The following CCDC73 variants were observed in gnomAD, a reference collection of about 807,000 sequenced individuals.
CCDC73 encodes the protein coiled-coil domain-containing protein 73.
In CCDC73, 95 loss-of-function variants were observed where a neutral mutation model predicts 116.5. The ratio of observed to expected loss-of-function variants is 0.82; its 90% CI spans 0.69 to 0.97. The LOEUF (loss-of-function observed/expected upper bound fraction) is 0.97. Ranked by LOEUF, CCDC73 falls within the 50% of genes least tolerant of loss-of-function variation. The pLI, the probability that CCDC73 is intolerant of heterozygous loss-of-function variation, is 0.00. For missense variants in CCDC73, 1,066 were observed against 1,206.8 expected, an observed-to-expected ratio of 0.88 and a Z score of 1.73; for synonymous variants, 398 against 401.3, an observed-to-expected ratio of 0.99 and a Z score of 0.10.
chr11:32,775,838 T>C (rs908248925), intron 1 of CCDC73, among the ~76,000 whole-genome samples: 10 of 152,160 alleles, frequency 6.6e-5, no homozygotes, highest in Admixed American at 3.9e-4. Context: ...ATCACACAAC[T>C]GCCATGTGAA....
chr11:32,756,874 C>A (rs985797672), intron 2 of CCDC73, among the ~76,000 whole-genome samples: 9 of 151,994 alleles, frequency 5.9e-5, no homozygotes, highest in African/African-American at 1.9e-4. Context: ...TAAAAATTTG[C>A]AATAAAGATT....
intron 14 of CCDC73, among the ~76,000 whole-genome samples, chr11:32,617,693 C>T (rs1019211940): frequency 2.6e-5 from 4 of 152,024 alleles, no homozygotes; most frequent in Non-Finnish European, 5.9e-5. Flanking sequence ...GATTGACTTC[C>T]GTAGTTCAGA....
intron 1 of CCDC73, among the ~76,000 whole-genome samples, chr11:32,763,326 G>A (rs1418795551): frequency 2.0e-5 from 3 of 152,220 alleles, no homozygotes; most frequent in Non-Finnish European, 4.4e-5. Context: ...CCCCTGAGTA[G>A]CCTAACTGGG....
intron 2 of CCDC73, among the ~76,000 whole-genome samples, chr11:32,756,485 C>CTA (rs1361402313): frequency 7.6e-5 from 11 of 144,166 alleles, no homozygotes; most frequent in Non-Finnish European, 1.7e-4. Flanking sequence ...ATATCTATAT[C>CTA]TATATATATC....
intron 15 of CCDC73, among the ~76,000 whole-genome samples, chr11:32,615,473 T>G (rs1401468378): frequency 6.6e-6 from 1 of 152,174 alleles, no homozygotes; most frequent in African/African-American, 2.4e-5. Flanking sequence ...GTATATAGAA[T>G]ATCTACTTAA....
At chr11:32,758,289 C>T in intron 2 of CCDC73, 1 of 477,408 alleles carries the variant, frequency 2.1e-6, no homozygotes, top group Admixed American at 2.1e-5. Flanking sequence ...TTTGACGTAT[C>T]ATCATGGGCT....
At chr11:32,695,495 G>A (rs11031937) in intron 6 of CCDC73, among the ~76,000 whole-genome samples, 41,131 of 152,020 alleles carry the variant, frequency 0.27, 6,446 homozygotes, top group East Asian at 0.79. Flanking sequence ...TTGGTGCTCT[G>A]TGGAGTGAGT....
chr11:32,641,907 A>G, intron 13 of CCDC73, 65 bp downstream of exon 13: 3 of 1,149,588 alleles, frequency 2.6e-6, no homozygotes, highest in Middle Eastern at 6.5e-4. Context: ...CTTAGCATTT[A>G]TAGTTATTTT....
chr11:32,724,760 C>T (rs1296148789), intron 2 of CCDC73, among the ~76,000 whole-genome samples: 4 of 152,134 alleles, frequency 2.6e-5, no homozygotes, highest in Admixed American at 6.5e-5. Context: ...AATTCCTACC[C>T]TACTCACATC....
intron 7 of CCDC73, chr11:32,680,804 A>G (rs1159065497): frequency 3.9e-5 from 6 of 151,988 alleles, no homozygotes; most frequent in Non-Finnish European, 7.4e-5. Context: ...CTCATTTACA[A>G]TTTTGTAACT....
intron 6 of CCDC73, among the ~76,000 whole-genome samples, chr11:32,698,377 A>G (rs1849776577): frequency 1.3e-5 from 2 of 152,180 alleles, no homozygotes; most frequent in Admixed American, 1.3e-4. Flanking sequence ...TGTGCCACAC[A>G]TTGTGATTGT....
chr11:32,700,907 C>T (rs1296138560), intron 4 of CCDC73, 81 bp from the exon 5 acceptor site: 2 of 531,330 alleles, frequency 3.8e-6, no homozygotes, highest in African/African-American at 2.0e-5. Flanking sequence ...TAAAGAAACA[C>T]TTTACACATC....
intron 6 of CCDC73, among the ~76,000 whole-genome samples, chr11:32,688,947 A>T (rs1856229382): frequency 1.3e-5 from 2 of 152,208 alleles, no homozygotes; most frequent in Admixed American, 6.5e-5. Context: ...GGTAATCCAG[A>T]AACCCCTACA....
rs748045289 is a variant in CCDC73 at position 32,611,175 on chromosome 11, G to T, written c.2987C>A (p.Ala996Glu). 9.9e-6 allele frequency: 16 copies of T among 1,613,756 alleles called. No homozygotes were observed. The highest frequency in any genetic ancestry group is 1.4e-5 in the Non-Finnish European group (16 of 1,179,740). ...PKGEPSEEKN[A>E]MAKTFYDSSF... The stretch of plus-strand genomic sequence containing the variant: ...GGAATCATAAAAAGTCTTTGCCATT[G>T]CATTCTTCTCTTCACTGGGTTCTCC... Residue 996 changes from alanine to glutamate, a missense_variant, in exon 17 of 18, where the codon GCA (alanine) becomes GAA (glutamate). Physicochemically the swap from Ala to Glu is moderately radical, Grantham distance 107. Coordinates refer to ENST00000335185, the MANE Select transcript of CCDC73 (RefSeq NM_001008391.4).
chr11:32,797,924 G>T (rs1416224278), upstream of CCDC73, among the ~76,000 whole-genome samples: 1 of 152,174 alleles, frequency 6.6e-6, no homozygotes, highest in East Asian at 1.9e-4. Context: ...GAAACTTTTT[G>T]AGCACCAACG....
intron 6 of CCDC73, among the ~76,000 whole-genome samples, chr11:32,689,126 A>C (rs1856231365): frequency 6.6e-6 from 1 of 152,206 alleles, no homozygotes; most frequent in South Asian, 2.1e-4. Context: ...GTCTTTGCCT[A>C]GATCACTGGT....
At chr11:32,778,622 G>A (rs1850556912) in intron 1 of CCDC73, among the ~76,000 whole-genome samples, 1 of 152,014 alleles carries the variant, frequency 6.6e-6, no homozygotes, top group African/African-American at 2.4e-5. Flanking sequence ...GACCAGCCTG[G>A]CCAACATGGT....
intron 9 of CCDC73, among the ~76,000 whole-genome samples, chr11:32,669,533 A>C (rs1392070567): frequency 6.6e-6 from 1 of 152,168 alleles, no homozygotes; most frequent in African/African-American, 2.4e-5. Flanking sequence ...CTGTTGTGCT[A>C]TCAAATACTA....
intron 2 of CCDC73, among the ~76,000 whole-genome samples, chr11:32,739,773 GA>G (rs532101903): frequency 2.1e-3 from 318 of 151,028 alleles, no homozygotes; most frequent in African/African-American, 7.7e-3. Flanking sequence ...GATTTTAGAG[GA>G]AAAGGTTTCA....
Sources: allele counts gnomAD v4.1 joint callset (sites outside exome capture counted in the v4.1 genomes callset), GRCh38; gene constraint gnomAD v4.1.1; transcripts MANE v1.5; gene names NCBI Gene and HGNC (gene_info 2026-07-23, HGNC 2026-07-21).